SNCAIP: variants seen among roughly 807,000 people sequenced by gnomAD.
The protein encoded by SNCAIP is synuclein alpha interacting protein.
Under a neutral mutation model 86.7 loss-of-function variants are expected in SNCAIP, and 43 were observed. The observed-to-expected ratio is 0.50, with a 90% CI of 0.39 to 0.64. The LOEUF is 0.64. Ranked by LOEUF, SNCAIP falls within the 30% of genes least tolerant of loss-of-function variation. The probability of loss-of-function intolerance (pLI) is 0.00; values close to 1 mark genes in which losing one functional copy is unlikely to be tolerated. For missense variants in SNCAIP, 981 were observed against 1,103.1 expected, an observed-to-expected ratio of 0.89 and a Z score of 1.57; for synonymous variants, 417 against 427.2, an observed-to-expected ratio of 0.98 and a Z score of 0.29.
intron 1 of SNCAIP, among the ~76,000 whole-genome samples, chr5:122,374,697 A>G (rs1764937438): frequency 6.6e-6 from 1 of 152,184 alleles, no homozygotes; most frequent in Non-Finnish European, 1.5e-5. Flanking sequence ...GTTATTTAAG[A>G]CAATACTGAG....
Position 122,425,538 on chromosome 5 carries a change from G to A in SNCAIP, c.1182+7G>A, listed in dbSNP as rs1246930451. On this transcript the variant is annotated splice_region_variant and intron_variant, in intron 5 of 10. Transcript: ENST00000261368. ...AGCAGGCCTGGCCATTAAGGTGACT[G>A]GTTGGGGGCTGGAACCTCCACAGCT... 6.2e-7 allele frequency: 1 copy of A among 1,612,614 alleles called. No individual in the cohort carries two copies. The highest frequency in any genetic ancestry group is 8.5e-7 in the Non-Finnish European group (1 of 1,178,742).
chr5:122,422,251 C>T (rs1776535441), intron 3 of SNCAIP, among the ~76,000 whole-genome samples: 1 of 152,172 alleles, frequency 6.6e-6, no homozygotes, highest in African/African-American at 2.4e-5. Context: ...ACTATGTCTT[C>T]TCTCCCACAG....
chr5:122,441,618 A>G (rs1454169228), intron 7 of SNCAIP, among the ~76,000 whole-genome samples: 1 of 152,164 alleles, frequency 6.6e-6, no homozygotes, highest in Non-Finnish European at 1.5e-5. Flanking sequence ...AACTGGGCCA[A>G]ACCCAGAGCT....
intron 1 of SNCAIP, among the ~76,000 whole-genome samples, chr5:122,317,512 C>T (rs1433129461): frequency 5.9e-5 from 9 of 152,112 alleles, no homozygotes; most frequent in Non-Finnish European, 1.2e-4. Context: ...GACCATGCCA[C>T]TTGACTCAGC....
intron 1 of SNCAIP, among the ~76,000 whole-genome samples, chr5:122,326,426 AAAG>A (rs1380838856): frequency 6.6e-6 from 1 of 152,078 alleles, no homozygotes; most frequent in Admixed American, 6.6e-5. Context: ...CAAATTCCCT[AAAG>A]AAGTAGTGGT....
intron 3 of SNCAIP, among the ~76,000 whole-genome samples, chr5:122,412,971 T>C (rs1331319088): frequency 6.6e-6 from 1 of 152,168 alleles, no homozygotes; most frequent in Non-Finnish European, 1.5e-5. Flanking sequence ...CCAGAATTTG[T>C]GTGTTGAGAC....
At chr5:122,364,484 A>T (rs1157189158) in intron 1 of SNCAIP, among the ~76,000 whole-genome samples, 1 of 152,176 alleles carries the variant, frequency 6.6e-6, no homozygotes, top group Non-Finnish European at 1.5e-5. Context: ...TCAACATTTT[A>T]TTGTTCAGCT....
intron 1 of SNCAIP, among the ~76,000 whole-genome samples, chr5:122,346,687 CACTT>C (rs1172143395): frequency 1.3e-5 from 2 of 151,814 alleles, no homozygotes; most frequent in African/African-American, 2.4e-5. Flanking sequence ...AATCGGTAGA[CACTT>C]AGTATATATC....
At chr5:122,401,165 C>T in intron 2 of SNCAIP, 1 of 1,537,822 alleles carries the variant, frequency 6.5e-7, no homozygotes, top group Non-Finnish European at 8.8e-7. Flanking sequence ...AAAAGGCCAT[C>T]TGTCCTGTGA....
In SNCAIP at chr5:122,432,761, TA is replaced by T. The variant is rs555833059; in HGVS notation, c.1296+690del. On this transcript the variant is annotated intron_variant, in intron 6 of 10. Transcript: ENST00000261368. ...CAGATCACAATCCAGTGTTTGCAGT[TA>T]AAAAAAAAAATTACTACCTCCCTTT... is the stretch of plus-strand genomic sequence containing the variant. Among the ~76,000 whole-genome samples the T allele has an allele frequency of 3.0e-3, 444 of 147,864 alleles. 6 individuals are homozygous for T. The highest frequency in any genetic ancestry group is 2.1e-3 in the Non-Finnish European group (141 of 66,546).
chr5:122,462,866 C>G (rs780248972), intron 10 of SNCAIP, among the ~76,000 whole-genome samples: 1 of 152,172 alleles, frequency 6.6e-6, no homozygotes, highest in Non-Finnish European at 1.5e-5. Flanking sequence ...ATGATTGCAC[C>G]TACCCAAGGG....
At chr5:122,434,870 G>A (rs1779073526) in intron 6 of SNCAIP, among the ~76,000 whole-genome samples, 1 of 152,148 alleles carries the variant, frequency 6.6e-6, no homozygotes. Context: ...CATCCAGCAG[G>A]CATTTGAGTG....
chr5:122,319,057 C>T (rs1311884781), intron 1 of SNCAIP, among the ~76,000 whole-genome samples: 8 of 150,076 alleles, frequency 5.3e-5, no homozygotes, highest in Non-Finnish European at 8.9e-5. Flanking sequence ...TTCCTCCTGG[C>T]GACTGCCAAG....
intron 5 of SNCAIP, among the ~76,000 whole-genome samples, chr5:122,428,353 C>A (rs1777751315): frequency 6.6e-6 from 1 of 152,090 alleles, no homozygotes; most frequent in East Asian, 1.9e-4. Flanking sequence ...ATATTTATGG[C>A]AAGTAATACT....
chr5:122,323,297 C>A (rs949260979), intron 1 of SNCAIP: 1 of 152,184 alleles, frequency 6.6e-6, no homozygotes, highest in Non-Finnish European at 1.5e-5. Context: ...AAAGTCTAAT[C>A]TTTAATTAAG....
intron 1 of SNCAIP, among the ~76,000 whole-genome samples, chr5:122,339,753 A>G (rs1360493712): frequency 6.6e-6 from 1 of 152,204 alleles, no homozygotes; most frequent in African/African-American, 2.4e-5. Flanking sequence ...TCGGCTATGA[A>G]GGGTCTCTTG....
chr5:122,328,557 T>G (rs1254121239), intron 1 of SNCAIP, among the ~76,000 whole-genome samples: 1 of 152,204 alleles, frequency 6.6e-6, no homozygotes, highest in East Asian at 1.9e-4. Flanking sequence ...TTGTCTCCTT[T>G]CCATCCCCAT....
At chr5:122,364,410 C>G (rs1203917429) in intron 1 of SNCAIP, among the ~76,000 whole-genome samples, 1 of 152,188 alleles carries the variant, frequency 6.6e-6, no homozygotes, top group Non-Finnish European at 1.5e-5. Flanking sequence ...CTCTTGGGGT[C>G]TGGATCAGGA....
chr5:122,416,988 T>G (rs1775442586), intron 3 of SNCAIP, among the ~76,000 whole-genome samples: 1 of 152,190 alleles, frequency 6.6e-6, no homozygotes, highest in African/African-American at 2.4e-5. Context: ...TAACTTTTAA[T>G]GAAAAACAGT....
Sources: allele counts gnomAD v4.1 joint callset (sites outside exome capture counted in the v4.1 genomes callset), GRCh38; gene constraint gnomAD v4.1.1; transcripts MANE v1.5; gene names NCBI Gene and HGNC (gene_info 2026-07-23, HGNC 2026-07-21).